Variants in STAC observed in about 807,000 individuals in gnomAD.
The protein encoded by STAC is SH3 and cysteine rich domain, also known as SH3 and cysteine-rich domain-containing protein.
Under a neutral mutation model 48.8 loss-of-function variants are expected in STAC, and 43 were observed. The ratio of observed to expected loss-of-function variants is 0.88; its 90% CI spans 0.69 to 1.14. The LOEUF (loss-of-function observed/expected upper bound fraction) is 1.14. STAC is among the 50% of genes most tolerant of loss of function. The pLI is 0.00. For missense variants in STAC, 497 were observed against 504.0 expected (o/e 0.99, Z 0.13); for synonymous variants, 193 against 179.5 (o/e 1.07, Z -0.60).
intron 1 of STAC, among the ~76,000 whole-genome samples, chr3:36,434,466 G>T (rs1457474966): frequency 6.6e-6 from 1 of 152,196 alleles, no homozygotes; most frequent in African/African-American, 2.4e-5. Flanking sequence ...CTTGTCAAAG[G>T]TTCCCTGATG....
chr3:36,451,463 AC>A (rs1696677970), intron 2 of STAC, among the ~76,000 whole-genome samples: 1 of 146,354 alleles, frequency 6.8e-6, no homozygotes, highest in Non-Finnish European at 1.5e-5. Context: ...TATAATTCAT[AC>A]TTTTGATTGA....
chr3:36,463,784 G>A (rs1185744587), intron 2 of STAC, among the ~76,000 whole-genome samples: 2 of 150,950 alleles, frequency 1.3e-5, no homozygotes, highest in Non-Finnish European at 2.9e-5. Flanking sequence ...TTGTCCTTGC[G>A]ATAGTTTACT....
chr3:36,443,284 C>A lies in STAC; in HGVS notation c.112-80C>A. On this transcript the variant is annotated intron_variant, in intron 1 of 10. Coordinates refer to ENST00000273183, the MANE Select transcript of STAC (RefSeq NM_003149.3). This position sits in a 1 kb window ranked among gnomAD's most constrained non-coding sequence, Gnocchi z 4.2. The stretch of plus-strand genomic sequence containing the variant: ...GTGTCAGTGGGGACTGTGTAGTGCA[C>A]ACAGCAGACCTTACCCCCACAGCCT... 6.5e-7 allele frequency: 1 copy of A among 1,536,776 alleles called. No individual in the cohort carries two copies. The highest frequency in any genetic ancestry group is 8.9e-7 in the Non-Finnish European group (1 of 1,127,714).
intron 10 of STAC, among the ~76,000 whole-genome samples, chr3:36,537,195 A>G (rs1161736917): frequency 6.6e-6 from 1 of 152,250 alleles, no homozygotes; most frequent in Non-Finnish European, 1.5e-5. Flanking sequence ...ATTACTGGGT[A>G]TATACCTAAA....
chr3:36,493,922 G>A (rs1007147372), intron 6 of STAC, among the ~76,000 whole-genome samples: 9 of 151,786 alleles, frequency 5.9e-5, no homozygotes, highest in Non-Finnish European at 7.4e-5. Flanking sequence ...AGGCCGAGGC[G>A]GGCGGATCAC....
intron 8 of STAC, among the ~76,000 whole-genome samples, chr3:36,510,895 A>G (rs899083683): frequency 6.6e-6 from 1 of 152,016 alleles, no homozygotes; most frequent in Non-Finnish European, 1.5e-5. Context: ...ACCATGGCAC[A>G]TGTATATCTA....
intron 1 of STAC, among the ~76,000 whole-genome samples, chr3:36,438,265 T>C (rs1488312176): frequency 6.6e-6 from 1 of 152,126 alleles, no homozygotes; most frequent in African/African-American, 2.4e-5. Context: ...TGATACCCTA[T>C]CCACAAGGTT....
At chr3:36,429,418 T>C (rs1368196794) in intron 1 of STAC, among the ~76,000 whole-genome samples, 1 of 152,298 alleles carries the variant, frequency 6.6e-6, no homozygotes, top group African/African-American at 2.4e-5. Flanking sequence ...GCCGATGTGT[T>C]TCTGCACCCA....
chr3:36,475,273 T>TA (rs1439645561), intron 2 of STAC, among the ~76,000 whole-genome samples: 7 of 151,178 alleles, frequency 4.6e-5, no homozygotes, highest in African/African-American at 1.7e-4. Flanking sequence ...TTTTTTTTTT[T>TA]AATTCTACTA....
intron 2 of STAC, among the ~76,000 whole-genome samples, chr3:36,449,192 G>A (rs1696612477): frequency 6.6e-6 from 1 of 152,140 alleles, no homozygotes; most frequent in South Asian, 2.1e-4. Flanking sequence ...CTTGGAAAAT[G>A]CTGTCTAGCC....
At chr3:36,486,709 A>G (rs1398158620) in intron 5 of STAC, among the ~76,000 whole-genome samples, 1 of 152,072 alleles carries the variant, frequency 6.6e-6, no homozygotes, top group Non-Finnish European at 1.5e-5. Flanking sequence ...TTGATTGCAC[A>G]CAAAAACTGC....
At chr3:36,461,111 T>C (rs572632909) in intron 2 of STAC, among the ~76,000 whole-genome samples, 7 of 152,212 alleles carry the variant, frequency 4.6e-5, no homozygotes, top group Admixed American at 1.3e-4. Context: ...TGTATATGCA[T>C]ATTTTGAATG....
chr3:36,504,740 ATG>A (rs1249483248), intron 7 of STAC, among the ~76,000 whole-genome samples: 1 of 152,106 alleles, frequency 6.6e-6, no homozygotes, highest in Non-Finnish European at 1.5e-5. Context: ...TATAGCATAT[ATG>A]TCATATTTTA....
chr3:36,406,590 A>G (rs573802264), intron 1 of STAC, among the ~76,000 whole-genome samples: 1 of 152,334 alleles, frequency 6.6e-6, no homozygotes, highest in Non-Finnish European at 1.5e-5. Flanking sequence ...TGCACTTACC[A>G]GCATGTGTTA....
chr3:36,503,094 C>A (rs1698317009), intron 6 of STAC, among the ~76,000 whole-genome samples: 1 of 152,072 alleles, frequency 6.6e-6, no homozygotes, highest in African/African-American at 2.4e-5. Context: ...CTGTGGTGAT[C>A]CCCTCCCTCT....
At chr3:36,486,890 T>C (rs544015441) in intron 5 of STAC, among the ~76,000 whole-genome samples, 47 of 152,346 alleles carry the variant, frequency 3.1e-4, no homozygotes, top group African/African-American at 1.1e-3. Context: ...CAAGATGCCA[T>C]ACAACTCTGC....
intron 2 of STAC, among the ~76,000 whole-genome samples, chr3:36,474,765 T>C (rs1458528340): frequency 1.3e-5 from 2 of 152,240 alleles, no homozygotes; most frequent in Non-Finnish European, 2.9e-5. Context: ...TGAAGTTATC[T>C]ATTATCCCTA....
intron 1 of STAC, among the ~76,000 whole-genome samples, chr3:36,404,825 C>T (rs113449209): frequency 5.3e-5 from 8 of 151,870 alleles, no homozygotes; most frequent in Non-Finnish European, 1.0e-4. Context: ...TGGAATTATA[C>T]GCACCAAACT....
chr3:36,452,236 TTTC>T (rs1304728281), intron 2 of STAC, among the ~76,000 whole-genome samples: 2 of 152,228 alleles, frequency 1.3e-5, no homozygotes, highest in African/African-American at 4.8e-5. Context: ...ATTTTTAAAA[TTTC>T]TTCTTTTGAT....
Sources: gnomAD v4.1 joint callset for allele counts (sites outside exome capture counted in the v4.1 genomes callset) on GRCh38, gnomAD v4.1.1 for gene constraint, Gnocchi (gnomAD v3.1) non-coding constraint, MANE v1.5 for transcripts, NCBI Gene and HGNC (gene_info 2026-07-23, HGNC 2026-07-21) for gene names.